Variants in HSD17B12 observed in about 807,000 individuals in gnomAD.
HSD17B12 encodes very-long-chain 3-oxoacyl-CoA reductase.
In HSD17B12, 32 loss-of-function variants were observed where a neutral mutation model predicts 39.3. The observed-to-expected ratio is 0.81, with a 90% CI of 0.61 to 1.09. HSD17B12 has a LOEUF of 1.09. Among genes scored for constraint, HSD17B12 ranks in the 50% least tolerant of loss-of-function variants. The pLI is 0.00. For synonymous variants in HSD17B12, 150 were observed against 146.7 expected (o/e 1.02, Z -0.16); for missense variants, 342 against 382.9 (o/e 0.89, Z 0.89).
rs56033566 is a variant in HSD17B12, at chr11:43,724,219, CTGTGTGTGTGTGTGTGTG to C, written c.161-26668_161-26651del. 6.5e-5 allele frequency: 9 copies of C among 138,864 alleles called. No individual in the cohort carries two copies. In the South Asian group the frequency reaches 7.2e-4, roughly 11 times the overall value. The allele number at this position is 138,864 out of a possible 1,614,324, so 8.6% of individuals were successfully genotyped here. On this transcript the variant is annotated intron_variant, in intron 1 of 10. Coordinates refer to ENST00000278353, the MANE Select transcript of HSD17B12 (RefSeq NM_016142.3). The stretch of plus-strand genomic sequence containing the variant: ...GTTTTTATATATTTATGTGTATGCT[CTGTGTGTGTGTGTGTGTG>C]TGTGTGTGTGTGTGTGTGTGTGTTT...
At chr11:43,568,617 G>T in the HSD17B12 span, among the ~76,000 whole-genome samples, 1 of 152,292 alleles carries the variant, frequency 6.6e-6, no homozygotes, top group South Asian at 2.1e-4. Context: ...CATGAGATAG[G>T]TAGGGCAGAT....
chr11:43,835,422 C>A (rs1220473701), intron 7 of HSD17B12, among the ~76,000 whole-genome samples: 1 of 152,152 alleles, frequency 6.6e-6, no homozygotes, highest in African/African-American at 2.4e-5. Flanking sequence ...AAGATTGAGG[C>A]AGGCTACACC....
chr11:43,770,416 T>C (rs1950637873), intron 3 of HSD17B12, among the ~76,000 whole-genome samples: 1 of 152,168 alleles, frequency 6.6e-6, no homozygotes, highest in Admixed American at 6.5e-5. Context: ...GCTTAAGTAA[T>C]GGACTTGGCA....
the HSD17B12 span, chr11:43,645,765 G>A: frequency 6.6e-6 from 1 of 152,504 alleles, no homozygotes; most frequent in Non-Finnish European, 1.5e-5. Flanking sequence ...GATCACTTGA[G>A]GTCAGGAGTT....
chr11:43,768,747 C>T (rs1950621217), intron 3 of HSD17B12, among the ~76,000 whole-genome samples: 1 of 152,182 alleles, frequency 6.6e-6, no homozygotes, highest in Non-Finnish European at 1.5e-5. Context: ...TTCCACAGCA[C>T]AGAAGGAGAC....
At chr11:43,789,516 T>A (rs988101334) in intron 3 of HSD17B12, among the ~76,000 whole-genome samples, 1 of 152,166 alleles carries the variant, frequency 6.6e-6, no homozygotes, top group African/African-American at 2.4e-5. Context: ...CCTGAATAAA[T>A]GAATGAGCAC....
intron 3 of HSD17B12, among the ~76,000 whole-genome samples, chr11:43,791,780 A>G (rs1950870207): frequency 6.6e-6 from 1 of 152,168 alleles, no homozygotes; most frequent in Admixed American, 6.5e-5. Flanking sequence ...CACGCAGCAT[A>G]AGGTTTTTAT....
At chr11:43,634,495 A>G in the HSD17B12 span, among the ~76,000 whole-genome samples, 12,865 of 152,212 alleles carry the variant, frequency 0.085, 1,233 homozygotes, top group African/African-American at 0.24. Context: ...AATTAACACC[A>G]TTACGTATAG....
At chr11:43,806,339 A>G (rs1029697385) in intron 4 of HSD17B12, 3 of 152,204 alleles carry the variant, frequency 2.0e-5, no homozygotes, top group African/African-American at 7.2e-5. Flanking sequence ...ACTACTGAGT[A>G]TATATCAAAA....
chr11:43,590,257 T>G, the HSD17B12 span, among the ~76,000 whole-genome samples: 1 of 150,434 alleles, frequency 6.6e-6, no homozygotes, highest in Non-Finnish European at 1.5e-5. Flanking sequence ...GCTGAATCAA[T>G]GATGACCGCA....
intron 1 of HSD17B12, among the ~76,000 whole-genome samples, chr11:43,724,564 A>G (rs1019269464): frequency 6.6e-6 from 1 of 152,138 alleles, no homozygotes; most frequent in African/African-American, 2.4e-5. Flanking sequence ...AAGATTTGGT[A>G]TATGGTGAGG....
the HSD17B12 span, among the ~76,000 whole-genome samples, chr11:43,624,909 T>C: frequency 5.3e-5 from 8 of 151,796 alleles, no homozygotes; most frequent in Admixed American, 4.6e-4. Flanking sequence ...ATTAGAAGCA[T>C]AATATTTAAA....
chr11:43,774,075 A>G (rs764519141), intron 3 of HSD17B12, among the ~76,000 whole-genome samples: 10 of 152,196 alleles, frequency 6.6e-5, no homozygotes, highest in Non-Finnish European at 1.2e-4. Flanking sequence ...GGCTGGGGTG[A>G]GGCAAAACTG....
chr11:43,718,593 A>G, intron 1 of HSD17B12: 1 of 558,404 alleles, frequency 1.8e-6, no homozygotes, highest in South Asian at 2.0e-5. Context: ...GTTCCATAGC[A>G]ATTTTGAAAT....
chr11:43,599,588 G>C, the HSD17B12 span, among the ~76,000 whole-genome samples: 22 of 152,040 alleles, frequency 1.4e-4, no homozygotes, highest in African/African-American at 5.3e-4. Flanking sequence ...TCCTGCCTCT[G>C]GTAGTCTCCA....
chr11:43,692,172 T>C (rs909064814), intron 1 of HSD17B12, among the ~76,000 whole-genome samples: 1 of 152,238 alleles, frequency 6.6e-6, no homozygotes, highest in Non-Finnish European at 1.5e-5. Context: ...GAGTGAATAC[T>C]TTTTTCCTTG....
the HSD17B12 span, among the ~76,000 whole-genome samples, chr11:43,581,165 C>A: frequency 6.6e-6 from 1 of 152,028 alleles, no homozygotes; most frequent in Non-Finnish European, 1.5e-5. This position sits in a 1 kb window ranked among gnomAD's most constrained non-coding sequence, Gnocchi z 4.9. Flanking sequence ...TGCCCCTCTG[C>A]GGTCCCCTTC....
At chr11:43,829,325 A>C (rs1403941719) in intron 6 of HSD17B12, among the ~76,000 whole-genome samples, 1 of 152,220 alleles carries the variant, frequency 6.6e-6, no homozygotes, top group Non-Finnish European at 1.5e-5. Context: ...TATATAAAGA[A>C]TATATTTTGA....
At chr11:43,733,594 A>G (rs139643190) in intron 1 of HSD17B12, among the ~76,000 whole-genome samples, 154 of 152,328 alleles carry the variant, frequency 1.0e-3, no homozygotes, top group African/African-American at 3.6e-3. Context: ...TACTTCCCAA[A>G]TTCAAGGAAT....
Sources: gnomAD v4.1 joint callset for allele counts (sites outside exome capture counted in the v4.1 genomes callset) on GRCh38, gnomAD v4.1.1 for gene constraint, Gnocchi (gnomAD v3.1) non-coding constraint, MANE v1.5 for transcripts, NCBI Gene and HGNC (gene_info 2026-07-23, HGNC 2026-07-21) for gene names.